SLC38A6: variants seen among roughly 807,000 people sequenced by gnomAD.
SLC38A6 encodes solute carrier family 38 member 6.
In SLC38A6, 73 loss-of-function variants were observed where a neutral mutation model predicts 65.0. The observed-to-expected ratio is 1.12, with a 90% CI of 0.93 to 1.37. The LOEUF (loss-of-function observed/expected upper bound fraction) is 1.37. SLC38A6 is among the 40% of genes most tolerant of loss of function. The pLI, the probability that SLC38A6 is intolerant of heterozygous loss-of-function variation, is 0.00. For synonymous variants in SLC38A6, 183 were observed against 178.8 expected (o/e 1.02, Z -0.19); for missense variants, 561 against 531.1 (o/e 1.06, Z -0.55).
At chr14:61,032,982 A>G (rs1033458734) in intron 6 of SLC38A6, among the ~76,000 whole-genome samples, 2 of 152,010 alleles carry the variant, frequency 1.3e-5, no homozygotes, top group African/African-American at 4.8e-5. Context: ...AACTGTGTTC[A>G]TAATATTCTA....
At chr14:61,023,530 G>A (rs985349883) in intron 5 of SLC38A6, among the ~76,000 whole-genome samples, 1 of 149,364 alleles carries the variant, frequency 6.7e-6, no homozygotes, top group Non-Finnish European at 1.5e-5. Context: ...CCAAGATCTC[G>A]CCACTGAACT....
intron 4 of SLC38A6, among the ~76,000 whole-genome samples, chr14:61,017,081 G>T (rs1334815510): frequency 2.6e-5 from 4 of 151,944 alleles, no homozygotes; most frequent in African/African-American, 4.8e-5. Context: ...CGCTCTTGTT[G>T]CCCAGGCTGG....
chr14:61,037,552 G>C (rs967031939), intron 7 of SLC38A6, 73 bp from the exon 8 acceptor site: 12 of 1,036,072 alleles, frequency 1.2e-5, no homozygotes, highest in African/African-American at 4.9e-5. Flanking sequence ...ACATGCCTAA[G>C]ATGTATAGCT....
intron 3 of SLC38A6, among the ~76,000 whole-genome samples, chr14:60,989,905 G>A (rs2037732210): frequency 6.6e-6 from 1 of 152,080 alleles, no homozygotes; most frequent in South Asian, 2.1e-4. Context: ...GACAAGTCAC[G>A]CTTTCCTAGT....
chr14:61,019,343 T>C (rs1361604814), intron 4 of SLC38A6, among the ~76,000 whole-genome samples, 198 bp from the exon 5 acceptor site: 2 of 152,204 alleles, frequency 1.3e-5, no homozygotes, highest in East Asian at 3.8e-4. Flanking sequence ...ATAGTAACTT[T>C]GGAACTATTA....
chr14:60,998,013 G>A (rs1566623803), intron 3 of SLC38A6, among the ~76,000 whole-genome samples: 1 of 151,254 alleles, frequency 6.6e-6, no homozygotes, highest in Non-Finnish European at 1.5e-5. Flanking sequence ...TTACTTCCCT[G>A]AAAAAGCTCA....
intron 3 of SLC38A6, among the ~76,000 whole-genome samples, chr14:60,994,629 C>G (rs369618010): frequency 6.7e-6 from 1 of 148,610 alleles, no homozygotes; most frequent in Non-Finnish European, 1.5e-5. Context: ...GCTTGAACCC[C>G]GGAGGCGGAG....
At position 61,037,045 on chromosome 14, in the gene SLC38A6, T is replaced by A; in HGVS notation, c.483-14T>A. 3.8e-6 allele frequency: 6 copies of A among 1,591,262 alleles called. No individual in the cohort carries two copies. Among genetic ancestry groups the A allele is most frequent in the Non-Finnish European group, 5.2e-6 (6 of 1,163,760 alleles). On this transcript the variant is annotated splice_polypyrimidine_tract_variant and intron_variant, in intron 6 of 15. Coordinates refer to ENST00000267488, the MANE Select transcript of SLC38A6 (RefSeq NM_153811.3). ...TGGAGTCCCATGCCTAAAGTAGAAC[T>A]TTTTTTATAATAGATATTGGTATCT...
At chr14:61,018,481 A>G (rs1364957809) in intron 4 of SLC38A6, among the ~76,000 whole-genome samples, 2 of 152,188 alleles carry the variant, frequency 1.3e-5, no homozygotes, top group East Asian at 3.8e-4. Flanking sequence ...CAGTGTAGGC[A>G]AATGCTGTGC....
At position 60,984,839 on chromosome 14, in the gene SLC38A6, G is replaced by A. The variant is rs145932409; in HGVS notation, c.310+36G>A. ...ATGTTATGCTGCTTCATTTAATAAAGGAGTCTCTTGAGTTTGTATCTACAT... is the reference window on the plus strand; with the variant it reads ...ATGTTATGCTGCTTCATTTAATAAAAGAGTCTCTTGAGTTTGTATCTACAT... On this transcript the variant is annotated intron_variant, in intron 3 of 15. Coordinates refer to ENST00000267488, the MANE Select transcript of SLC38A6 (RefSeq NM_153811.3). 1,702 of 1,578,600 alleles carry A rather than the reference G, an allele frequency of 1.1e-3. 12 individuals carry two copies. In the East Asian group the frequency reaches 0.026, roughly 24 times the overall value.
At position 61,036,960 on chromosome 14, in the gene SLC38A6, CTGTGTG is replaced by C. The variant is rs34977105; in HGVS notation, c.483-57_483-52del. The C allele has an allele frequency of 8.4e-3, 3,685 of 438,022 alleles. 33 individuals are homozygous for C. The highest frequency in any genetic ancestry group is 0.035 in the African/African-American group (1,541 of 43,744). The allele number at this position is 438,022 out of a possible 1,614,324, so 27.1% of individuals were successfully genotyped here. ...ATAGCTGGTTGTAATGGTTATAACT[CTGTGTG>C]TGTGTGTGTGTGTGTGTGTGTGTGT... On this transcript the variant is annotated intron_variant, in intron 6 of 15. Transcript: ENST00000267488.
chr14:61,023,563 A>AAATAATAAT lies in SLC38A6; in HGVS notation c.403+4003_403+4011dup, dbSNP rs139726383. Among the ~76,000 whole-genome samples the AAATAATAAT allele has an allele frequency of 5.9e-4, 83 of 141,514 alleles. 1 individual carries two copies. The South Asian group carries it at 0.014, about 25-fold the overall frequency. The allele number at this position is 141,514 out of a possible 152,430, so 92.8% of individuals were successfully genotyped here. ...ACTCCAACCTGGGCAACTGTCTCAA[A>AAATAATAAT]AATAATAATAATAATAATAATAATA... On this transcript the variant is annotated intron_variant, in intron 5 of 15. Transcript: ENST00000267488.
Position 61,011,389 on chromosome 14 carries a change from T to C in SLC38A6, c.311-4515T>C, listed in dbSNP as rs569980934. Reference sequence around the variant, plus strand: ...CCCTTTATTTCCTTCTCCTGCCTGATTGCCCTGGCCAGAACTTCCAACACT... The same window carrying C: ...CCCTTTATTTCCTTCTCCTGCCTGACTGCCCTGGCCAGAACTTCCAACACT... On this transcript the variant is annotated intron_variant, in intron 3 of 15. Transcript: ENST00000267488. Among the ~76,000 whole-genome samples the C allele has an allele frequency of 3.9e-5, 6 of 152,210 alleles. No individual in the cohort carries two copies. In the East Asian group the frequency reaches 9.7e-4, roughly 24 times the overall value.
rs1440389651 is a variant in SLC38A6, at chr14:61,003,881, G to A, written c.311-12023G>A. Among the ~76,000 whole-genome samples the A allele has an allele frequency of 3.3e-5, 5 of 152,148 alleles. No homozygotes were observed. In the East Asian group the frequency reaches 9.6e-4, roughly 29 times the overall value. On this transcript the variant is annotated intron_variant, in intron 3 of 15. Transcript: ENST00000267488. ...ACTAGCTAGATATGCTGACCGGAAA[G>A]CTAGAATTAGGATTTGACCATTGTA...
At chr14:61,061,897 G>A (rs555018481) in intron 15 of SLC38A6, among the ~76,000 whole-genome samples, 10 of 152,298 alleles carry the variant, frequency 6.6e-5, no homozygotes, top group South Asian at 4.2e-4. Flanking sequence ...GAGTGCAATG[G>A]TGTGATCTCG....
intron 3 of SLC38A6, among the ~76,000 whole-genome samples, chr14:61,010,224 C>G (rs545238031): frequency 1.5e-4 from 23 of 151,678 alleles, no homozygotes; most frequent in East Asian, 3.9e-4. Context: ...CTTGTTGATG[C>G]GGTTGTTTTT....
At chr14:61,060,855 G>A (rs1292388166) in intron 15 of SLC38A6, among the ~76,000 whole-genome samples, 3 of 125,530 alleles carry the variant, frequency 2.4e-5, no homozygotes, top group African/African-American at 9.3e-5. Context: ...TCTGAAAAGC[G>A]CAATATTCGG....
intron 15 of SLC38A6, among the ~76,000 whole-genome samples, chr14:61,063,155 A>G (rs1014631432): frequency 2.6e-5 from 4 of 152,210 alleles, no homozygotes; most frequent in African/African-American, 9.6e-5. Context: ...ATTTATATAC[A>G]AAATTGATTC....
At chr14:61,029,402 G>A (rs532499404) in intron 5 of SLC38A6, among the ~76,000 whole-genome samples, 2 of 152,076 alleles carry the variant, frequency 1.3e-5, no homozygotes, top group South Asian at 2.1e-4. Flanking sequence ...TCAACCGCCC[G>A]CCTTGGCCTC....
Sources: gnomAD v4.1 joint callset for allele counts (sites outside exome capture counted in the v4.1 genomes callset) on GRCh38, gnomAD v4.1.1 for gene constraint, MANE v1.5 for transcripts, NCBI Gene and HGNC (gene_info 2026-07-23, HGNC 2026-07-21) for gene names.